OR9Q1: variants seen among roughly 807,000 people sequenced by gnomAD.
OR9Q1 encodes the protein olfactory receptor family 9 subfamily Q member 1.
For missense variants in OR9Q1, 374 were observed against 378.8 expected (o/e 0.99, Z 0.11); for synonymous variants, 153 against 148.6 (o/e 1.03, Z -0.22).
At chr11:58,122,033 C>G (rs1031594121) in intron 2 of OR9Q1, among the ~76,000 whole-genome samples, 7 of 152,098 alleles carry the variant, frequency 4.6e-5, no homozygotes, top group Admixed American at 2.6e-4. Flanking sequence ...TTTTTTACTT[C>G]TCTTTCACCT....
At chr11:58,127,164 G>A (rs2119831660) in intron 2 of OR9Q1, among the ~76,000 whole-genome samples, 1 of 152,274 alleles carries the variant, frequency 6.6e-6, no homozygotes, top group Non-Finnish European at 1.5e-5. Flanking sequence ...TGGCCAGGCT[G>A]GTCTTGAATT....
chr11:58,091,950 C>G (rs1317202056), intron 2 of OR9Q1, among the ~76,000 whole-genome samples: 2 of 150,172 alleles, frequency 1.3e-5, no homozygotes, highest in Non-Finnish European at 3.0e-5. Flanking sequence ...CTATCAGAGA[C>G]TAGGATTGCA....
At chr11:58,059,744 A>C (rs927247598) in intron 2 of OR9Q1, among the ~76,000 whole-genome samples, 2 of 151,446 alleles carry the variant, frequency 1.3e-5, no homozygotes, top group Non-Finnish European at 2.9e-5. Context: ...AAGAACTAGA[A>C]AACTAAATAA....
chr11:58,144,020 C>CTTTTA (rs1173970764), intron 2 of OR9Q1, among the ~76,000 whole-genome samples: 1 of 151,774 alleles, frequency 6.6e-6, no homozygotes, highest in Non-Finnish European at 1.5e-5. Flanking sequence ...CTTAATTTAT[C>CTTTTA]TTTTATTTTA....
intron 2 of OR9Q1, among the ~76,000 whole-genome samples, chr11:58,165,555 A>T (rs1216285810): frequency 6.6e-6 from 1 of 152,122 alleles, no homozygotes; most frequent in Non-Finnish European, 1.5e-5. Context: ...CGCACAAACC[A>T]CTTATTGTTA....
chr11:58,159,634 G>A (rs1292389659), intron 2 of OR9Q1, among the ~76,000 whole-genome samples: 1 of 152,196 alleles, frequency 6.6e-6, no homozygotes, highest in East Asian at 1.9e-4. Context: ...GGCTTTGTGT[G>A]AAGAATTGAC....
At chr11:58,118,271 G>T in intron 2 of OR9Q1, 1 of 432,400 alleles carries the variant, frequency 2.3e-6, no homozygotes, top group East Asian at 3.6e-5. Context: ...TTAAGAGACT[G>T]CCCAGTGCTA....
At chr11:58,068,608 C>A (rs1446562373) in intron 2 of OR9Q1, among the ~76,000 whole-genome samples, 1 of 152,206 alleles carries the variant, frequency 6.6e-6, no homozygotes, top group Non-Finnish European at 1.5e-5. Flanking sequence ...CTTTATCTCA[C>A]ATAAAATGGG....
Position 58,100,391 on chromosome 11 carries a change from C to T in OR9Q1, c.-15+44444C>T, listed in dbSNP as rs542217487. Among the ~76,000 whole-genome samples, 6 of 152,120 alleles carry T rather than the reference C, an allele frequency of 3.9e-5. No homozygotes were observed. In the South Asian group the frequency reaches 8.3e-4, roughly 21 times the overall value. On this transcript the variant is annotated intron_variant, in intron 2 of 2. Transcript: ENST00000335397. ...GTAAAAACTTGCAATGGTATAATTC[C>T]GTTTACTTTTTCCCTTTGTCCTTTG...
At chr11:58,037,845 A>AGTAGCT (rs1565056624) in intron 1 of OR9Q1, among the ~76,000 whole-genome samples, 1 of 143,048 alleles carries the variant, frequency 7.0e-6, no homozygotes, top group African/African-American at 2.6e-5. Flanking sequence ...CAGCCTCCCG[A>AGTAGCT]GTAGCTGGGA....
At chr11:58,132,805 T>A (rs1173584330) in intron 2 of OR9Q1, among the ~76,000 whole-genome samples, 1 of 152,170 alleles carries the variant, frequency 6.6e-6, no homozygotes. Flanking sequence ...TTTCTGAAGA[T>A]TTCTTTCCTC....
Position 58,080,951 on chromosome 11 carries a change from A to G in OR9Q1, c.-15+25004A>G, listed in dbSNP as rs1161913563. 3.3e-5 allele frequency among the ~76,000 whole-genome samples: 5 copies of G among 152,074 alleles called. No individual in the cohort carries two copies. The East Asian group carries it at 9.6e-4, about 29-fold the overall frequency. Reference sequence around the variant, plus strand: ...TCATTTACATTAGGTATTTCTCCTAATGCTATCCCTCCCCTTGTCCCCCAC... The same window carrying G: ...TCATTTACATTAGGTATTTCTCCTAGTGCTATCCCTCCCCTTGTCCCCCAC... On this transcript the variant is annotated intron_variant, in intron 2 of 2. Coordinates refer to ENST00000335397, the MANE Select transcript of OR9Q1 (RefSeq NM_001005212.4).
intron 2 of OR9Q1, among the ~76,000 whole-genome samples, chr11:58,140,363 T>A (rs1417492397): frequency 6.6e-6 from 1 of 152,234 alleles, no homozygotes; most frequent in Non-Finnish European, 1.5e-5. Flanking sequence ...TCCTTGCCCA[T>A]GCCTATGTCC....
At position 58,086,192 on chromosome 11, in the gene OR9Q1, A is replaced by G. The variant is rs1853631923; in HGVS notation, c.-15+30245A>G. The stretch of plus-strand genomic sequence containing the variant: ...AAAAACCAAATAACCCAATTAAAAC[A>G]TGGACAAAGGACCGAAATATACATT... On this transcript the variant is annotated intron_variant, in intron 2 of 2. Transcript: ENST00000335397. Among the ~76,000 whole-genome samples the G allele has an allele frequency of 2.0e-5, 3 of 152,102 alleles. No homozygotes were observed. In the South Asian group the frequency reaches 6.2e-4, roughly 31 times the overall value.
intron 2 of OR9Q1, among the ~76,000 whole-genome samples, chr11:58,068,987 C>T (rs1853461173): frequency 6.6e-6 from 1 of 152,132 alleles, no homozygotes; most frequent in Admixed American, 6.5e-5. Context: ...AAAGGGAGAG[C>T]AAATGGCCCA....
chr11:58,053,613 A>T (rs1219231921), intron 1 of OR9Q1, among the ~76,000 whole-genome samples: 2 of 61,942 alleles, frequency 3.2e-5, no homozygotes, highest in African/African-American at 1.0e-4. Flanking sequence ...AAATTAAAAA[A>T]TATATATATA....
intron 2 of OR9Q1, among the ~76,000 whole-genome samples, chr11:58,133,069 C>T (rs80244512): frequency 6.6e-6 from 1 of 152,162 alleles, no homozygotes; most frequent in Admixed American, 6.5e-5. Flanking sequence ...CTCAGCCCAG[C>T]CTTCCAGACT....
intron 2 of OR9Q1, chr11:58,118,442 T>C: frequency 2.6e-6 from 3 of 1,132,364 alleles, no homozygotes; most frequent in South Asian, 3.0e-5. Flanking sequence ...TGGTGCCTAT[T>C]AGGATATATT....
intron 2 of OR9Q1, among the ~76,000 whole-genome samples, chr11:58,143,019 C>T (rs1480279287): frequency 2.0e-5 from 3 of 152,126 alleles, no homozygotes; most frequent in Non-Finnish European, 4.4e-5. Flanking sequence ...TTCTTTATGG[C>T]TCACTGTCTG....
Sources: gnomAD v4.1 joint callset for allele counts (sites outside exome capture counted in the v4.1 genomes callset) on GRCh38, gnomAD v4.1.1 for gene constraint, MANE v1.5 for transcripts, NCBI Gene and HGNC (gene_info 2026-07-23, HGNC 2026-07-21) for gene names.